Variants in WNK4 observed in about 807,000 individuals in gnomAD.
WNK4 encodes serine/threonine-protein kinase WNK4.
A neutral mutation model predicts 116.2 loss-of-function variants in WNK4; 94 were observed. That is an observed-to-expected ratio of 0.81 (90% CI 0.68 to 0.96). WNK4 has a LOEUF of 0.96. Among genes scored for constraint, WNK4 ranks in the 40% least tolerant of loss-of-function variants. The pLI is 0.00. For synonymous variants in WNK4, 655 were observed against 672.7 expected (o/e 0.97, Z 0.41); for missense variants, 1,542 against 1,650.6 (o/e 0.93, Z 1.14).
chr17:42,784,710 C>T lies in WNK4; in HGVS notation c.1170+131C>T. 1 of 1,211,524 alleles carries T rather than the reference C, an allele frequency of 8.3e-7. No individual in the cohort carries two copies. The highest frequency in any genetic ancestry group is 2.0e-5 in the Admixed American group (1 of 50,440). The allele number at this position is 1,211,524 out of a possible 1,614,324, so 75.0% of individuals were successfully genotyped here. A position where few individuals can be genotyped will look rare whatever the true frequency, so the allele number is the denominator to read the frequency against. ...AGACACAGAGTCGCCTTGGTGAACA[C>T]AGAAGGATATTGAGTGCACACGCGC... On this transcript the variant is annotated intron_variant, in intron 4 of 18. Transcript: ENST00000246914. This position sits in a 1 kb window ranked among gnomAD's most constrained non-coding sequence, Gnocchi z 4.4.
chr17:42,780,765 C>T lies in WNK4; in HGVS notation c.67C>T (p.Arg23Trp), dbSNP rs368683340. The change falls in exon 1 of 19, where the codon CGG (arginine) becomes TGG (tryptophan). Residue 23 changes from arginine to tryptophan, a missense_variant. Arg to Trp is a moderately radical substitution (Grantham distance 101, BLOSUM62 -3). Coordinates refer to ENST00000246914, the MANE Select transcript of WNK4 (RefSeq NM_032387.5). Reference protein sequence around the residue: ...MSQTEADLALRPPPPLGTAGQ... With the variant: ...MSQTEADLALWPPPPLGTAGQ... ...CCAGACTGAGGCCGACCTGGCCCTGCGGCCCCCGCCTCCTCTTGGCACCGC... is the reference window on the plus strand; with the variant it reads ...CCAGACTGAGGCCGACCTGGCCCTGTGGCCCCCGCCTCCTCTTGGCACCGC... The T allele has an allele frequency of 1.0e-5, 16 of 1,606,918 alleles. No homozygotes were observed. The African/African-American group carries it at 1.5e-4, about 15-fold the overall frequency.
At position 42,796,496 on chromosome 17, in the gene WNK4, ACTCT is replaced by A; in HGVS notation, c.3650_3653del (p.Ser1217Ter). 6.2e-7 allele frequency: 1 copy of A among 1,613,940 alleles called. No homozygotes were observed. The highest frequency in any genetic ancestry group is 8.5e-7 in the Non-Finnish European group (1 of 1,179,880). On this transcript the variant is annotated frameshift_variant, in exon 18 of 19. Coordinates refer to ENST00000246914, the MANE Select transcript of WNK4 (RefSeq NM_032387.5). LOFTEE classifies it high-confidence loss of function. The stretch of plus-strand genomic sequence containing the variant: ...CTGCTCCCAGGCATCATGCGAAGGA[ACTCT>A]CTGAGTGGCAGCAGCACCGGCTCCC...
Position 42,790,992 on chromosome 17 carries a change from A to G in WNK4, c.2157+2195A>G, listed in dbSNP as rs901497397. ...CTTTCAGAGTCTTCCATCCAGCCAC[A>G]CTGGTTTCAAAATGGGCCTCTGAAA... On this transcript the variant is annotated intron_variant, in intron 11 of 18. Transcript: ENST00000246914. Among the ~76,000 whole-genome samples the G allele has an allele frequency of 2.0e-5, 3 of 152,054 alleles. No individual in the cohort carries two copies. The East Asian group carries it at 5.8e-4, about 29-fold the overall frequency.
intron 11 of WNK4, among the ~76,000 whole-genome samples, chr17:42,789,633 C>T (rs1400146298): frequency 5.3e-5 from 8 of 151,466 alleles, no homozygotes; most frequent in African/African-American, 1.9e-4. Context: ...CATTGCACTC[C>T]AGCCTGGGCG....
chr17:42,797,006 A>G lies in WNK4; in HGVS notation c.*318A>G, dbSNP rs2054684952. On this transcript the variant is annotated 3_prime_UTR_variant, in exon 19 of 19. Coordinates refer to ENST00000246914, the MANE Select transcript of WNK4 (RefSeq NM_032387.5). ...AGAGGGGCCCACTCCCAGCTGGGAG[A>G]GTGTAGGGGATATGCTCACACCACA... 1 of 511,470 alleles carries G rather than the reference A, an allele frequency of 2.0e-6. No homozygotes were observed. The allele number at this position is 511,470 out of a possible 1,614,324, so 31.7% of individuals were successfully genotyped here.
chr17:42,795,429 C>T, intron 14 of WNK4, 32 bp from the exon 15 acceptor site: 3 of 1,614,210 alleles, frequency 1.9e-6, no homozygotes, highest in Non-Finnish European at 2.5e-6. Context: ...CCACTCTGCA[C>T]TCTTCCCTTC....
intron 11 of WNK4, among the ~76,000 whole-genome samples, chr17:42,792,064 G>A (rs1407867792): frequency 6.6e-6 from 1 of 152,174 alleles, no homozygotes; most frequent in African/African-American, 2.4e-5. Flanking sequence ...ATAGAGGAAG[G>A]GGTCGCTTTC....
intron 17 of WNK4, 65 bp from the exon 18 acceptor site, chr17:42,796,416 T>G: frequency 1.2e-6 from 2 of 1,613,268 alleles, no homozygotes; most frequent in East Asian, 4.5e-5. Flanking sequence ...CCCGGGGGAA[T>G]AGACCCCCTC....
chr17:42,796,081 A>G, intron 16 of WNK4, 42 bp from the exon 17 acceptor site: 1 of 1,613,956 alleles, frequency 6.2e-7, no homozygotes, highest in Non-Finnish European at 8.5e-7. Flanking sequence ...TGGGAGAGCA[A>G]GGTGTGTGGC....
chr17:42,795,906 C>T lies in WNK4; in HGVS notation c.3304C>T (p.Pro1102Ser). The T allele has an allele frequency of 1.9e-6, 3 of 1,611,876 alleles. No individual in the cohort carries two copies. The highest frequency in any genetic ancestry group is 2.5e-6 in the Non-Finnish European group (3 of 1,178,702). The stretch of plus-strand genomic sequence containing the variant: ...ACCCCAAGTTGGGGGCAGCCCCCAA[C>T]CCCTGAGCCATCCCAGCCCAGTGTG... The part of the protein sequence containing the change: ...KEPQVGGSPQ[P>S]LSHPSPVWMN... Residue 1102 changes from proline (P) to serine (S), a missense_variant, in exon 16 of 19, where the codon CCC becomes TCC. By Grantham distance (74) the Pro-to-Ser change is moderately conservative (BLOSUM62 -1). Around this residue, in one of 7 missense-constraint regions of WNK4, gnomAD observed 292 missense variants for 290.1 expected, o/e 1.01. Coordinates refer to ENST00000246914, the MANE Select transcript of WNK4 (RefSeq NM_032387.5).
At position 42,796,596 on chromosome 17, in the gene WNK4, G is replaced by A. The variant is rs1267623196; in HGVS notation, c.3729+18G>A. 2.2e-5 allele frequency: 35 copies of A among 1,614,090 alleles called. No homozygotes were observed. The highest frequency in any genetic ancestry group is 2.7e-5 in the Non-Finnish European group (32 of 1,180,030). On this transcript the variant is annotated intron_variant, in intron 18 of 18. Coordinates refer to ENST00000246914, the MANE Select transcript of WNK4 (RefSeq NM_032387.5). ...GCAGGATGGTGAGGGCGGGCCCAAG[G>A]GAGGGAGAGCCCAGGGAATGGTACC...
At chr17:42,783,642 C>T (rs1005506878) in intron 2 of WNK4, 4 of 510,876 alleles carry the variant, frequency 7.8e-6, no homozygotes, top group Non-Finnish European at 1.4e-5. Flanking sequence ...ATTTCCTCTC[C>T]GAAGCTCTCC....
Position 42,782,319 on chromosome 17 carries a change from C to T in WNK4, c.619-439C>T, listed in dbSNP as rs535257423. Among the ~76,000 whole-genome samples the T allele has an allele frequency of 3.9e-5, 6 of 152,322 alleles. No individual in the cohort carries two copies. In the East Asian group the frequency reaches 9.6e-4, roughly 24 times the overall value. ...CTCCCTCCATATCCCTCCCGCCTTCCGTCTGGATCTAGCAGTTCTGTTTCT... is the reference window on the plus strand; with the variant it reads ...CTCCCTCCATATCCCTCCCGCCTTCTGTCTGGATCTAGCAGTTCTGTTTCT... On this transcript the variant is annotated intron_variant, in intron 1 of 18. Transcript: ENST00000246914. This position sits in a 1 kb window ranked among gnomAD's most constrained non-coding sequence, Gnocchi z 4.2.
At position 42,787,469 on chromosome 17, in the gene WNK4, T is replaced by C; in HGVS notation, c.1668T>C (p.Pro556=). ...MAPGPPSVFP[P]EPEEPEADQH... ...CCGGTCCCCCCAGTGTCTTCCCCCC[T>C]GAGCCTGAGGAGCCAGAGGCAGACC... The change falls in exon 7 of 19, where the codon CCT becomes CCC. Residue 556 remains proline, a synonymous_variant. Transcript: ENST00000246914. 7.3e-7 allele frequency: 1 copy of C among 1,370,600 alleles called. No homozygotes were observed. Among genetic ancestry groups the C allele is most frequent in the Non-Finnish European group, 9.7e-7 (1 of 1,026,506 alleles). 84.9% of individuals were successfully genotyped at this position (1,370,600 alleles called of 1,614,324 possible).
rs2054654847 is a variant in WNK4, at chr17:42,795,361, C to T, written c.2940C>T (p.His980=). 1 of 1,613,992 alleles carries T rather than the reference C, an allele frequency of 6.2e-7. No homozygotes were observed. The highest frequency in any genetic ancestry group is 8.5e-7 in the Non-Finnish European group (1 of 1,180,042). ...GTGGCCAGGAAAGCCCTTCACCCCA[C>T]ACAGCTGAGGTGGAGAGTGAGGTGA... ...APGGQESPSP[H]TAEVESEASP... Residue 980 remains histidine, a synonymous_variant, in exon 14 of 19, where the codon CAC becomes CAT. Coordinates refer to ENST00000246914, the MANE Select transcript of WNK4 (RefSeq NM_032387.5).
intron 6 of WNK4, 51 bp from the exon 7 acceptor site, chr17:42,787,227 C>A (rs375118090): frequency 6.2e-7 from 1 of 1,609,778 alleles, no homozygotes; most frequent in East Asian, 2.2e-5. Flanking sequence ...CCTGATGGAT[C>A]TTTGATAGGG....
Position 42,795,446 on chromosome 17 carries a change from C to T in WNK4, c.2962-15C>T. 1.2e-6 allele frequency: 2 copies of T among 1,614,148 alleles called. No individual in the cohort carries two copies. Among genetic ancestry groups the T allele is most frequent in the Admixed American group, 1.7e-5 (1 of 60,020 alleles). On this transcript the variant is annotated splice_polypyrimidine_tract_variant and intron_variant, in intron 14 of 18. Transcript: ENST00000246914. ...ACTCTGCACTCTTCCCTTCTCATGG[C>T]CCCCCACTTTCTAGGCCTCACCACC...
Position 42,782,313 on chromosome 17 carries a change from G to A in WNK4, c.619-445G>A, listed in dbSNP as rs1411167744. Among the ~76,000 whole-genome samples, 1 of 152,166 alleles carries A rather than the reference G, an allele frequency of 6.6e-6. No homozygotes were observed. Among genetic ancestry groups the A allele is most frequent in the East Asian group, 1.9e-4 (1 of 5,196 alleles). On this transcript the variant is annotated intron_variant, in intron 1 of 18. Transcript: ENST00000246914. This position sits in a 1 kb window ranked among gnomAD's most constrained non-coding sequence, Gnocchi z 4.2. ...CAGTACCTCCCTCCATATCCCTCCC[G>A]CCTTCCGTCTGGATCTAGCAGTTCT... is the stretch of plus-strand genomic sequence containing the variant.
chr17:42,787,363 G>A lies in WNK4; in HGVS notation c.1562G>A (p.Arg521His), dbSNP rs543639943. 4.9e-5 allele frequency: 79 copies of A among 1,614,148 alleles called. No individual in the cohort carries two copies. Among genetic ancestry groups the A allele is most frequent in the East Asian group, 6.7e-5 (3 of 44,882 alleles). Residue 521 changes from arginine to histidine, a missense_variant, in exon 7 of 19, where the codon CGT (arginine) becomes CAT (histidine). Transcript: ENST00000246914. ...CGGGTTGCTGCCATCCAGCGAAAGCGTGAGAAGCTGCGTAAAGCAAGGGAA... is the reference window on the plus strand; with the variant it reads ...CGGGTTGCTGCCATCCAGCGAAAGCATGAGAAGCTGCGTAAAGCAAGGGAA... ...RERVAAIQRK[R>H]EKLRKARELE...
Sources: gnomAD v4.1 joint callset for allele counts (sites outside exome capture counted in the v4.1 genomes callset) on GRCh38, gnomAD v4.1.1 for gene constraint, gnomAD v4.1.1 regional missense constraint, Gnocchi (gnomAD v3.1) non-coding constraint, MANE v1.5 for transcripts, NCBI Gene and HGNC (gene_info 2026-07-23, HGNC 2026-07-21) for gene names.